The following MAP2K6 variants were observed in gnomAD, a reference collection of about 807,000 sequenced individuals.
MAP2K6 encodes dual specificity mitogen-activated protein kinase kinase 6.
Under a neutral mutation model 53.7 loss-of-function variants are expected in MAP2K6, and 16 were observed. The ratio of observed to expected loss-of-function variants is 0.30; its 90% CI spans 0.20 to 0.45. MAP2K6 has a LOEUF of 0.45. Ranked by LOEUF, MAP2K6 falls within the 20% of genes least tolerant of loss-of-function variation. The pLI, the probability that MAP2K6 is intolerant of heterozygous loss-of-function variation, is 1.00. For missense variants in MAP2K6, 204 were observed against 411.9 expected, an observed-to-expected ratio of 0.50 and a Z score of 4.37; for synonymous variants, 132 against 143.1, an observed-to-expected ratio of 0.92 and a Z score of 0.55.
chr17:69,532,609 TC>T (rs970639044), intron 10 of MAP2K6, among the ~76,000 whole-genome samples: 2 of 152,206 alleles, frequency 1.3e-5, no homozygotes, highest in African/African-American at 4.8e-5. Context: ...AAATTTGCTT[TC>T]CCCCCAACCT....
intron 1 of MAP2K6, among the ~76,000 whole-genome samples, chr17:69,466,860 T>C (rs1391781874): frequency 6.6e-6 from 1 of 152,188 alleles, no homozygotes; most frequent in African/African-American, 2.4e-5. Flanking sequence ...TAGGCTTTTG[T>C]TGGGCTGATG....
chr17:69,497,620 G>A (rs67953371), intron 1 of MAP2K6, among the ~76,000 whole-genome samples: 1 of 151,038 alleles, frequency 6.6e-6, no homozygotes, highest in Non-Finnish European at 1.5e-5. Flanking sequence ...AAATATATTT[G>A]TTACAGTATT....
intron 5 of MAP2K6, 75 bp from the exon 6 acceptor site, chr17:69,520,195 T>A (rs906514910): frequency 1.3e-6 from 1 of 769,274 alleles, no homozygotes. Context: ...GGATAGGGTT[T>A]ACTGTTTTTT....
At chr17:69,504,009 T>C (rs928431853) in intron 1 of MAP2K6, among the ~76,000 whole-genome samples, 2 of 152,120 alleles carry the variant, frequency 1.3e-5, no homozygotes, top group Admixed American at 1.3e-4. Flanking sequence ...TCTCTAAACG[T>C]CTTCTATTGC....
chr17:69,530,024 G>A (rs984526098), intron 10 of MAP2K6, among the ~76,000 whole-genome samples: 3 of 152,132 alleles, frequency 2.0e-5, no homozygotes, highest in Admixed American at 6.5e-5. Flanking sequence ...TTGAGCCGTA[G>A]ACATGTCTCA....
In MAP2K6 at chr17:69,500,447, C is replaced by CAAAAAAA. The variant is rs58712110; in HGVS notation, c.17-5312_17-5306dup. Among the ~76,000 whole-genome samples, 16 of 57,630 alleles carry CAAAAAAA rather than the reference C, an allele frequency of 2.8e-4. 2 individuals carry two copies. Among genetic ancestry groups the CAAAAAAA allele is most frequent in the African/African-American group, 9.1e-4 (12 of 13,118 alleles). 37.8% of individuals were successfully genotyped at this position (57,630 alleles called of 152,430 possible). A position where few individuals can be genotyped will look rare whatever the true frequency, so the allele number is the denominator to read the frequency against. ...TGGGTGACAAAGTGAGACTCTGTCT[C>CAAAAAAA]AAAAAAAAAAAAAAAAAAAAAAAAA... is the stretch of plus-strand genomic sequence containing the variant. On this transcript the variant is annotated intron_variant, in intron 1 of 11. Transcript: ENST00000590474.
intron 1 of MAP2K6, among the ~76,000 whole-genome samples, chr17:69,464,390 G>A (rs1907727741): frequency 1.3e-5 from 2 of 152,022 alleles, no homozygotes; most frequent in Admixed American, 1.3e-4. Flanking sequence ...TTGAGACAGA[G>A]TCTTGCTCTT....
intron 5 of MAP2K6, chr17:69,519,720 T>C: frequency 3.0e-6 from 1 of 328,484 alleles, no homozygotes; most frequent in East Asian, 7.6e-5. Flanking sequence ...ACTGATTTGC[T>C]TAGATCTCTT....
chr17:69,444,914 C>CTTTTAT (rs1260553285), intron 1 of MAP2K6, among the ~76,000 whole-genome samples: 2 of 152,082 alleles, frequency 1.3e-5, no homozygotes, highest in East Asian at 1.9e-4. Context: ...AGCACATTTT[C>CTTTTAT]TTTTATTTTT....
intron 10 of MAP2K6, among the ~76,000 whole-genome samples, chr17:69,530,084 T>C (rs183926852): frequency 1.3e-5 from 2 of 152,336 alleles, no homozygotes; most frequent in African/African-American, 2.4e-5. Context: ...CGGTGTCATG[T>C]CATTTCTACT....
At chr17:69,524,851 C>A in intron 8 of MAP2K6, 50 bp from the exon 9 acceptor site, 2 of 1,381,404 alleles carry the variant, frequency 1.4e-6, no homozygotes, top group Non-Finnish European at 2.1e-6. Flanking sequence ...GAGCTAAGAA[C>A]GTTATCTCAA....
rs942459278 is a variant in MAP2K6, at chr17:69,553,103, A to T, written c.*11350A>T. On this transcript the variant is annotated 3_prime_UTR_variant, in exon 12 of 12. Coordinates refer to ENST00000590474, the MANE Select transcript of MAP2K6 (RefSeq NM_002758.4). ...CTATTCTTGAGAAATTCATCTTTTC[A>T]TGCAAATAACATTGATGGGGGACAA... The T allele has an allele frequency of 3.3e-5, 5 of 152,220 alleles. No individual in the cohort carries two copies. Among genetic ancestry groups the T allele is most frequent in the African/African-American group, 1.2e-4 (5 of 41,454 alleles). The allele number at this position is 152,220 out of a possible 1,614,324, so 9.4% of individuals were successfully genotyped here.
At chr17:69,482,005 A>G (rs2145192558) in intron 1 of MAP2K6, among the ~76,000 whole-genome samples, 1 of 152,250 alleles carries the variant, frequency 6.6e-6, no homozygotes, top group East Asian at 1.9e-4. Flanking sequence ...TGAGATTTAA[A>G]TGCCCGTAAA....
chr17:69,500,300 T>C (rs1471507398), intron 1 of MAP2K6, among the ~76,000 whole-genome samples: 1 of 148,492 alleles, frequency 6.7e-6, no homozygotes, highest in Non-Finnish European at 1.5e-5. Context: ...ATTAGGCGGG[T>C]GGGGTGGCAC....
At chr17:69,452,425 G>T (rs924827429) in intron 1 of MAP2K6, among the ~76,000 whole-genome samples, 2 of 152,104 alleles carry the variant, frequency 1.3e-5, no homozygotes, top group Non-Finnish European at 1.5e-5. Flanking sequence ...TTACCAGATA[G>T]CTAAAGGGAA....
chr17:69,433,042 C>T (rs1906517106), intron 1 of MAP2K6: 1 of 152,182 alleles, frequency 6.6e-6, no homozygotes, highest in African/African-American at 2.4e-5. Context: ...TTGATGCTCT[C>T]TAATGGTTAA....
intron 1 of MAP2K6, among the ~76,000 whole-genome samples, chr17:69,466,784 A>T (rs1907828174): frequency 6.6e-6 from 1 of 152,190 alleles, no homozygotes; most frequent in South Asian, 2.1e-4. Context: ...TCATAAAATG[A>T]CTTCTACTCA....
intron 2 of MAP2K6, among the ~76,000 whole-genome samples, chr17:69,512,345 T>G (rs900828860): frequency 7.7e-5 from 10 of 130,132 alleles, no homozygotes; most frequent in Admixed American, 2.2e-4. Context: ...TTTTGTTTTT[T>G]TTTTTTTTTT....
Position 69,526,673 on chromosome 17 carries a change from A to G in MAP2K6, c.845A>G (p.Lys282Arg), listed in dbSNP as rs1198336138. 6.2e-7 allele frequency: 1 copy of G among 1,613,970 alleles called. No homozygotes were observed. Among genetic ancestry groups the G allele is most frequent in the South Asian group, 1.1e-5 (1 of 91,086 alleles). The change falls in exon 10 of 12, where the codon AAG becomes AGG. Residue 282 changes from lysine (K) to arginine (R), a missense_variant. By Grantham distance (26) the Lys-to-Arg change is conservative. Coordinates refer to ENST00000590474, the MANE Select transcript of MAP2K6 (RefSeq NM_002758.4). ...EEPSPQLPAD[K>R]FSAEFVDFTS... ...CCATCGCCACAACTCCCAGCAGACA[A>G]GTTCTCTGCAGAGTTTGTTGACTTT...
Sources: allele counts gnomAD v4.1 joint callset (sites outside exome capture counted in the v4.1 genomes callset), GRCh38; gene constraint gnomAD v4.1.1; transcripts MANE v1.5; gene names NCBI Gene and HGNC (gene_info 2026-07-23, HGNC 2026-07-21).